OBP2B: variants seen among roughly 807,000 people sequenced by gnomAD.
OBP2B encodes the protein odorant binding protein 2B, also known as odorant-binding protein 2b.
Under a neutral mutation model 21.7 loss-of-function variants are expected in OBP2B, and 10 were observed. The observed-to-expected ratio is 0.46, with a 90% CI of 0.28 to 0.78. OBP2B has a LOEUF of 0.78. OBP2B is among the 30% of genes least tolerant of loss of function. The pLI, the probability that OBP2B is intolerant of heterozygous loss-of-function variation, is 0.11. For missense variants in OBP2B, 153 were observed against 217.7 expected, an observed-to-expected ratio of 0.70 and a Z score of 1.87; for synonymous variants, 73 against 91.5, an observed-to-expected ratio of 0.80 and a Z score of 1.16.
At chr9:133,210,506 T>C (rs1445788554), upstream of OBP2B, among the ~76,000 whole-genome samples, 1 of 151,478 alleles carries the variant, frequency 6.6e-6, no homozygotes, top group Admixed American at 6.6e-5. Flanking sequence ...GGACCAGAGA[T>C]GAGCAAACAG....
chr9:133,220,082 G>A, the OBP2B span, among the ~76,000 whole-genome samples: 1 of 152,206 alleles, frequency 6.6e-6, no homozygotes, highest in African/African-American at 2.4e-5. Context: ...ATGCAGACGG[G>A]AAGTCGATGA....
chr9:133,221,171 C>T, the OBP2B span, among the ~76,000 whole-genome samples: 1 of 152,328 alleles, frequency 6.6e-6, no homozygotes. Flanking sequence ...CATGCACCAT[C>T]GGCTGAAGGG....
At chr9:133,207,702 C>A (rs1206942194) in intron 3 of OBP2B, 1 of 552,948 alleles carries the variant, frequency 1.8e-6, no homozygotes, top group Admixed American at 2.4e-5. Flanking sequence ...CCCTCGGCCT[C>A]CTCATCCCTA....
chr9:133,211,421 C>T (rs1286419509), upstream of OBP2B, among the ~76,000 whole-genome samples: 3 of 152,226 alleles, frequency 2.0e-5, no homozygotes, highest in South Asian at 2.1e-4. Context: ...TGGTGACCCA[C>T]GCTCTCGGCC....
intron 3 of OBP2B, chr9:133,207,741 G>A (rs1564286102): frequency 2.6e-6 from 2 of 759,784 alleles, no homozygotes; most frequent in East Asian, 4.1e-5. Flanking sequence ...CCTAACCCTT[G>A]GCCCCCGTCC....
the OBP2B span, among the ~76,000 whole-genome samples, chr9:133,214,626 G>A: frequency 6.6e-6 from 1 of 152,172 alleles, no homozygotes; most frequent in Non-Finnish European, 1.5e-5. Context: ...CTGCAGCTGG[G>A]TCTCTCTGCC....
intron 4 of OBP2B, 31 bp from the exon 5 acceptor site, chr9:133,206,447 T>C (rs782585461): frequency 6.2e-7 from 1 of 1,610,840 alleles, no homozygotes. Context: ...TGAGCCGACG[T>C]GGGGACAGCG....
chr9:133,206,863 C>T (rs1183819060), intron 4 of OBP2B, among the ~76,000 whole-genome samples: 4 of 152,012 alleles, frequency 2.6e-5, no homozygotes, highest in Non-Finnish European at 5.9e-5. Context: ...CAGCCCTCAC[C>T]TGGAGGGACC....
the OBP2B span, among the ~76,000 whole-genome samples, chr9:133,215,208 A>C: frequency 1.3e-5 from 2 of 152,242 alleles, no homozygotes; most frequent in Non-Finnish European, 2.9e-5. Flanking sequence ...GCATAAGTTT[A>C]ACAACCCATA....
At chr9:133,222,558 T>C in the OBP2B span, among the ~76,000 whole-genome samples, 31 of 152,260 alleles carry the variant, frequency 2.0e-4, no homozygotes, top group African/African-American at 7.2e-4. Flanking sequence ...TGAAACCCTG[T>C]CTTTACTAAA....
the OBP2B span, among the ~76,000 whole-genome samples, chr9:133,220,124 G>A: frequency 6.6e-6 from 1 of 152,214 alleles, no homozygotes; most frequent in Non-Finnish European, 1.5e-5. Flanking sequence ...AAGAATGGGG[G>A]TGAGAGCAGA....
chr9:133,210,784 A>G (rs1469106334), upstream of OBP2B, among the ~76,000 whole-genome samples: 1 of 152,180 alleles, frequency 6.6e-6, no homozygotes, highest in Non-Finnish European at 1.5e-5. Context: ...CCTGTGTCCC[A>G]GTCTCATTCG....
the OBP2B span, among the ~76,000 whole-genome samples, chr9:133,222,597 A>C: frequency 6.6e-6 from 1 of 152,080 alleles, no homozygotes; most frequent in South Asian, 2.1e-4. Flanking sequence ...GCGTGGAGGC[A>C]CGTGCCTGTA....
At chr9:133,218,585 G>A in the OBP2B span, among the ~76,000 whole-genome samples, 1 of 152,180 alleles carries the variant, frequency 6.6e-6, no homozygotes, top group South Asian at 2.1e-4. Flanking sequence ...CACAAACAGA[G>A]GGAAACTGGC....
At position 133,207,346 on chromosome 9, in the gene OBP2B, A is replaced by G; in HGVS notation, c.278-10T>C. On this transcript the variant is annotated splice_polypyrimidine_tract_variant and intron_variant, in intron 3 of 6. Transcript: ENST00000372034. ...AGCTTCCTGCCCCCATCTGTAGATGACAGAGAAAATGGGTCATTCCCAGAG... is the reference window on the plus strand; with the variant it reads ...AGCTTCCTGCCCCCATCTGTAGATGGCAGAGAAAATGGGTCATTCCCAGAG... 6.3e-7 allele frequency: 1 copy of G among 1,576,576 alleles called. No individual in the cohort carries two copies. The highest frequency in any genetic ancestry group is 1.3e-5 in the African/African-American group (1 of 74,216).
At chr9:133,214,231 C>T (rs1833948576), upstream of OBP2B, among the ~76,000 whole-genome samples, 1 of 152,162 alleles carries the variant, frequency 6.6e-6, no homozygotes, top group Non-Finnish European at 1.5e-5. Context: ...AGAGCATCTA[C>T]AAAAAACCTA....
At chr9:133,221,993 T>C in the OBP2B span, among the ~76,000 whole-genome samples, 3 of 152,038 alleles carry the variant, frequency 2.0e-5, no homozygotes, top group African/African-American at 7.2e-5. Context: ...CTCCTTTGCG[T>C]GAGGAGATGA....
chr9:133,207,492 G>A lies in OBP2B; in HGVS notation c.278-156C>T, dbSNP rs140838326. 3.6e-4 allele frequency among the ~76,000 whole-genome samples: 55 copies of A among 152,282 alleles called. 2 individuals carry two copies. In the East Asian group the frequency reaches 9.5e-3, roughly 26 times the overall value. On this transcript the variant is annotated intron_variant, in intron 3 of 6. Transcript: ENST00000372034. ...AGTGTGGACCCGGACACGGAGGCAG[G>A]AGCCTCCTCTCAGGAAGGTCCCAAT...
chr9:133,217,545 G>A, the OBP2B span, among the ~76,000 whole-genome samples: 1 of 152,124 alleles, frequency 6.6e-6, no homozygotes, highest in Non-Finnish European at 1.5e-5. Context: ...GACGTCTGGC[G>A]GCACACACCA....
Sources: gnomAD v4.1 joint callset for allele counts (sites outside exome capture counted in the v4.1 genomes callset) on GRCh38, gnomAD v4.1.1 for gene constraint, MANE v1.5 for transcripts, NCBI Gene and HGNC (gene_info 2026-07-23, HGNC 2026-07-21) for gene names.